Variants in MRTFA observed in about 807,000 individuals in gnomAD.
MRTFA encodes myocardin-related transcription factor A.
A neutral mutation model predicts 83.5 loss-of-function variants in MRTFA; 20 were observed. That is an observed-to-expected ratio of 0.24 (90% CI 0.17 to 0.35). The LOEUF (loss-of-function observed/expected upper bound fraction) is 0.35. Ranked by LOEUF, MRTFA falls within the 10% of genes least tolerant of loss-of-function variation. MRTFA has a pLI of 1.00. For synonymous variants in MRTFA, 659 were observed against 541.2 expected (o/e 1.22, Z -3.02); for missense variants, 1,200 against 1,224.7 (o/e 0.98, Z 0.30).
chr22:40,527,694 G>C (rs2055001231), intron 3 of MRTFA, among the ~76,000 whole-genome samples: 1 of 150,864 alleles, frequency 6.6e-6, no homozygotes, highest in Non-Finnish European at 1.5e-5. Flanking sequence ...AGGAGGTGGA[G>C]CTTGCAGTGA....
At chr22:40,574,973 G>A (rs943071960) in intron 2 of MRTFA, among the ~76,000 whole-genome samples, 1 of 152,130 alleles carries the variant, frequency 6.6e-6, no homozygotes, top group African/African-American at 2.4e-5. Context: ...TCCACTTTGT[G>A]AACTCCTGGA....
intron 2 of MRTFA, among the ~76,000 whole-genome samples, chr22:40,583,617 G>C (rs2055981656): frequency 6.6e-6 from 1 of 152,192 alleles, no homozygotes; most frequent in East Asian, 1.9e-4. Context: ...ATTACGGCCT[G>C]AGCTCTGCCT....
chr22:40,475,684 G>A (rs991561480), intron 3 of MRTFA, among the ~76,000 whole-genome samples: 2 of 152,166 alleles, frequency 1.3e-5, no homozygotes, highest in African/African-American at 4.8e-5. Flanking sequence ...AGACACATGT[G>A]TACATTAAAA....
intron 4 of MRTFA, among the ~76,000 whole-genome samples, chr22:40,459,655 C>T (rs956919141): frequency 6.6e-6 from 1 of 151,274 alleles, no homozygotes; most frequent in Non-Finnish European, 1.5e-5. Context: ...TTCAATAGAG[C>T]GGTATCTATT....
Position 40,463,306 on chromosome 22 carries a change from G to A in MRTFA, c.242-20C>T, listed in dbSNP as rs1167422604. ...GTAGCACTGCAGGGCAGCAGAGAGA[G>A]AGGAGAGATGAGGGGTCAGTTGGGT... On this transcript the variant is annotated intron_variant, in intron 3 of 14. Transcript: ENST00000355630. 5 of 1,606,824 alleles carry A rather than the reference G, an allele frequency of 3.1e-6. No individual in the cohort carries two copies. The African/African-American group carries it at 4.0e-5, about 13-fold the overall frequency.
intron 4 of MRTFA, among the ~76,000 whole-genome samples, chr22:40,444,058 C>G (rs561391202): frequency 3.9e-5 from 6 of 152,344 alleles, no homozygotes; most frequent in Admixed American, 3.9e-4. Context: ...GGAACCTGAA[C>G]TTCTATTTCC....
intron 3 of MRTFA, among the ~76,000 whole-genome samples, chr22:40,548,355 T>C: frequency 6.1e-5 from 1 of 16,322 alleles, no homozygotes; most frequent in Non-Finnish European, 9.8e-5. Context: ...CAAGACTCCG[T>C]CTCAAAAAAA....
At chr22:40,431,273 G>T in intron 6 of MRTFA, 132 bp downstream of exon 6, 1 of 818,608 alleles carries the variant, frequency 1.2e-6, no homozygotes, top group Non-Finnish European at 2.1e-6. Flanking sequence ...GTCGTACGGT[G>T]TTAAGGCTCT....
intron 1 of MRTFA, among the ~76,000 whole-genome samples, chr22:40,619,729 A>C (rs1268998372): frequency 6.6e-6 from 1 of 151,714 alleles, no homozygotes; most frequent in Non-Finnish European, 1.5e-5. Context: ...CTCTACTAAA[A>C]GTACAAAAAA....
Position 40,518,795 on chromosome 22 carries a change from CAAAAAAAAAA to C in MRTFA, c.241+33301_241+33310del, listed in dbSNP as rs879690699. On this transcript the variant is annotated intron_variant, in intron 3 of 14. Coordinates refer to ENST00000355630, the MANE Select transcript of MRTFA (RefSeq NM_020831.6). ...GGGCGACAGAGTGAGACTCTGTCTC[CAAAAAAAAAA>C]AAAAAAAAAAAAAAAACCAGTGTCT... Among the ~76,000 whole-genome samples the C allele has an allele frequency of 5.9e-5, 4 of 68,144 alleles. No homozygotes were observed. In the East Asian group the frequency reaches 1.0e-3, roughly 17 times the overall value. The allele number at this position is 68,144 out of a possible 152,430, so 44.7% of individuals were successfully genotyped here.
intron 2 of MRTFA, among the ~76,000 whole-genome samples, chr22:40,561,777 T>A (rs1377935717): frequency 2.6e-5 from 4 of 152,168 alleles, no homozygotes; most frequent in African/African-American, 9.7e-5. Context: ...GACACTTCCT[T>A]CCCATTAATG....
At chr22:40,574,443 T>TTA (rs2055841008) in intron 2 of MRTFA, among the ~76,000 whole-genome samples, 1 of 130,970 alleles carries the variant, frequency 7.6e-6, no homozygotes, top group Non-Finnish European at 1.7e-5. Flanking sequence ...TATTATTATT[T>TTA]TTTTTTTTTG....
Position 40,416,926 on chromosome 22 carries a change from G to T in MRTFA, c.2578+60C>A. On this transcript the variant is annotated intron_variant, in intron 14 of 14. Coordinates refer to ENST00000355630, the MANE Select transcript of MRTFA (RefSeq NM_020831.6). This position sits in a 1 kb window ranked among gnomAD's most constrained non-coding sequence, Gnocchi z 4.2. ...TTCAATAAAAACAAACCAACCCAGG[G>T]CTAGAGACACCTATGAACAGAGAAG... 2 of 1,494,360 alleles carry T rather than the reference G, an allele frequency of 1.3e-6. No homozygotes were observed. The highest frequency in any genetic ancestry group is 1.8e-6 in the Non-Finnish European group (2 of 1,095,866). The allele number at this position is 1,494,360 out of a possible 1,614,324, so 92.6% of individuals were successfully genotyped here.
intron 2 of MRTFA, among the ~76,000 whole-genome samples, chr22:40,590,995 C>T (rs373730097): frequency 1.5e-4 from 23 of 151,930 alleles, no homozygotes; most frequent in African/African-American, 5.1e-4. Flanking sequence ...ATTAGCCGGG[C>T]GTGGTGGCAC....
At chr22:40,490,286 A>T (rs2054250059) in intron 3 of MRTFA, among the ~76,000 whole-genome samples, 1 of 152,222 alleles carries the variant, frequency 6.6e-6, no homozygotes, top group Admixed American at 6.5e-5. Context: ...AGAAAAAGCA[A>T]CTGCCTCTCA....
At chr22:40,454,572 G>A (rs1220278906) in intron 4 of MRTFA, among the ~76,000 whole-genome samples, 2 of 152,104 alleles carry the variant, frequency 1.3e-5, no homozygotes, top group Non-Finnish European at 2.9e-5. Flanking sequence ...TCAAAAGCAC[G>A]AACAATACAT....
At chr22:40,548,789 G>A (rs2055404897) in intron 3 of MRTFA, among the ~76,000 whole-genome samples, 1 of 151,968 alleles carries the variant, frequency 6.6e-6, no homozygotes. Context: ...ACTTGAACCT[G>A]GGAGGCGGAG....
At chr22:40,577,248 A>T (rs939039224) in intron 2 of MRTFA, among the ~76,000 whole-genome samples, 5 of 150,982 alleles carry the variant, frequency 3.3e-5, no homozygotes, top group Non-Finnish European at 7.4e-5. Flanking sequence ...AAAAAAAAAA[A>T]AAAAAAAAAT....
At chr22:40,540,130 T>C (rs2147293572) in intron 3 of MRTFA, among the ~76,000 whole-genome samples, 1 of 152,024 alleles carries the variant, frequency 6.6e-6, no homozygotes, top group African/African-American at 2.4e-5. Flanking sequence ...CAGGCTGCTC[T>C]TGAAATCCTG....
Sources: allele counts gnomAD v4.1 joint callset (sites outside exome capture counted in the v4.1 genomes callset), GRCh38; gene constraint gnomAD v4.1.1; non-coding constraint Gnocchi (gnomAD v3.1); transcripts MANE v1.5; gene names NCBI Gene and HGNC (gene_info 2026-07-23, HGNC 2026-07-21).